The following PXDNL variants were observed in gnomAD, a reference collection of about 807,000 sequenced individuals.
The protein encoded by PXDNL is peroxidasin like.
PXDNL carries 145 observed loss-of-function variants against 150.8 expected under a neutral mutation model. That is an observed-to-expected ratio of 0.96 (90% CI 0.84 to 1.10). The LOEUF (loss-of-function observed/expected upper bound fraction) is 1.10, where lower values mean the gene tolerates loss of function less well. PXDNL is among the 50% of genes least tolerant of loss of function. PXDNL has a pLI of 0.00. For synonymous variants in PXDNL, 757 were observed against 725.7 expected (o/e 1.04, Z -0.69); for missense variants, 2,087 against 1,873.9 (o/e 1.11, Z -2.10).
At chr8:51,501,777 G>C (rs1305603008) in intron 4 of PXDNL, among the ~76,000 whole-genome samples, 2 of 152,232 alleles carry the variant, frequency 1.3e-5, no homozygotes, top group Non-Finnish European at 2.9e-5. Flanking sequence ...CATTGGTCTA[G>C]CACATTAAAA....
At chr8:51,690,979 T>C (rs1585677004) in intron 1 of PXDNL, among the ~76,000 whole-genome samples, 1 of 151,994 alleles carries the variant, frequency 6.6e-6, no homozygotes, top group African/African-American at 2.4e-5. Flanking sequence ...TTTTGAGAAG[T>C]GTCTGTTCAT....
At chr8:51,772,119 C>A (rs1208111973) in intron 1 of PXDNL, among the ~76,000 whole-genome samples, 1 of 152,072 alleles carries the variant, frequency 6.6e-6, no homozygotes, top group Non-Finnish European at 1.5e-5. Context: ...ACCCCGCACA[C>A]CATGTCTCAC....
In PXDNL at chr8:51,501,114, T is replaced by C. The variant is rs572796328; in HGVS notation, c.381-1344A>G. On this transcript the variant is annotated intron_variant, in intron 4 of 22. Coordinates refer to ENST00000356297, the MANE Select transcript of PXDNL (RefSeq NM_144651.5). ...TGCCACACTGTACTACTCTCTGAAA[T>C]TCAGCATCCTGGCCCGTATCCCATG... is the stretch of plus-strand genomic sequence containing the variant. Among the ~76,000 whole-genome samples the C allele has an allele frequency of 8.5e-5, 13 of 152,296 alleles. No individual in the cohort carries two copies. The South Asian group carries it at 2.7e-3, about 32-fold the overall frequency.
intron 5 of PXDNL, among the ~76,000 whole-genome samples, chr8:51,496,738 A>T (rs1490373309): frequency 6.6e-6 from 1 of 152,166 alleles, no homozygotes; most frequent in Non-Finnish European, 1.5e-5. Context: ...AAGGGACGTG[A>T]AGGACCCCCA....
chr8:51,457,617 C>A lies in PXDNL; in HGVS notation c.863G>T (p.Gly288Val), dbSNP rs1809965303. 6.2e-7 allele frequency: 1 copy of A among 1,613,560 alleles called. No homozygotes were observed. Among genetic ancestry groups the A allele is most frequent in the African/African-American group, 1.3e-5 (1 of 74,982 alleles). ...TCTGGTGTTTCGGATCATGAGTGTGCCATCATCAAACACATTAAGTCGAGT... is the reference window on the plus strand; with the variant it reads ...TCTGGTGTTTCGGATCATGAGTGTGACATCATCAAACACATTAAGTCGAGT... ...DDTRLNVFDD[G>V]TLMIRNTRES... Residue 288 changes from glycine to valine, a missense_variant, in exon 9 of 23, where the codon GGC (glycine) becomes GTC (valine). Physicochemically the swap from Gly to Val is moderately radical, Grantham distance 109 (BLOSUM62 -3). Coordinates refer to ENST00000356297, the MANE Select transcript of PXDNL (RefSeq NM_144651.5).
chr8:51,786,875 T>C (rs1035661451), intron 1 of PXDNL, among the ~76,000 whole-genome samples: 3 of 152,200 alleles, frequency 2.0e-5, no homozygotes, highest in Non-Finnish European at 4.4e-5. Flanking sequence ...TTCAAAACTT[T>C]GAAGGACAGG....
intron 19 of PXDNL, among the ~76,000 whole-genome samples, chr8:51,363,759 C>T (rs1174968068): frequency 6.6e-6 from 1 of 152,066 alleles, no homozygotes; most frequent in Non-Finnish European, 1.5e-5. Flanking sequence ...GAGGGGTGGT[C>T]TCCTCCCTTA....
chr8:51,324,833 G>A (rs1348210199), intron 21 of PXDNL, among the ~76,000 whole-genome samples: 2 of 151,944 alleles, frequency 1.3e-5, no homozygotes, highest in East Asian at 3.9e-4. Context: ...TTTTTCATTT[G>A]TTTCCAGTGT....
chr8:51,631,905 A>C lies in PXDNL; in HGVS notation c.236+22784T>G, dbSNP rs551694137. Among the ~76,000 whole-genome samples the C allele has an allele frequency of 3.9e-5, 6 of 152,280 alleles. No individual in the cohort carries two copies. In the East Asian group the frequency reaches 1.2e-3, roughly 29 times the overall value. On this transcript the variant is annotated intron_variant, in intron 2 of 22. Coordinates refer to ENST00000356297, the MANE Select transcript of PXDNL (RefSeq NM_144651.5). ...AATAGTAAAATAAAAAATTAATTAA[A>C]TGCAAAAGAAGGTAGTAATGGAGGA...
chr8:51,371,417 T>G (rs10096359), intron 19 of PXDNL, among the ~76,000 whole-genome samples: 1 of 152,236 alleles, frequency 6.6e-6, no homozygotes, highest in African/African-American at 2.4e-5. Context: ...TTAGGGAAAG[T>G]TTTTCCTGAC....
chr8:51,576,522 G>T (rs1010824545), intron 3 of PXDNL, among the ~76,000 whole-genome samples: 32 of 151,766 alleles, frequency 2.1e-4, no homozygotes, highest in Admixed American at 6.6e-5. Context: ...AGATAAGGTA[G>T]TATAGAAAGG....
intron 2 of PXDNL, among the ~76,000 whole-genome samples, chr8:51,597,098 G>C (rs1813587150): frequency 6.6e-6 from 1 of 152,082 alleles, no homozygotes. Context: ...GAAAGGTAGG[G>C]GTCAAGTTTC....
chr8:51,683,426 T>A (rs1429246946), intron 1 of PXDNL, among the ~76,000 whole-genome samples: 1 of 151,744 alleles, frequency 6.6e-6, no homozygotes, highest in Non-Finnish European at 1.5e-5. Context: ...TTTTTGCTTC[T>A]TTTTGCTACT....
intron 1 of PXDNL, among the ~76,000 whole-genome samples, chr8:51,726,283 G>C (rs897849423): frequency 6.6e-6 from 1 of 152,140 alleles, no homozygotes; most frequent in Non-Finnish European, 1.5e-5. Flanking sequence ...AGCACCCATG[G>C]GCCCAAAGTC....
intron 14 of PXDNL, among the ~76,000 whole-genome samples, chr8:51,418,216 C>T (rs1022240764): frequency 2.6e-5 from 4 of 151,852 alleles, no homozygotes; most frequent in Non-Finnish European, 5.9e-5. Flanking sequence ...AAATATTTCC[C>T]CACTCATTGT....
intron 2 of PXDNL, among the ~76,000 whole-genome samples, chr8:51,619,649 G>A (rs1239446287): frequency 1.3e-5 from 2 of 152,092 alleles, no homozygotes; most frequent in Non-Finnish European, 2.9e-5. Context: ...AGCCATGTAA[G>A]GCATGCCTTC....
In PXDNL at chr8:51,409,083, G is replaced by T. The variant is rs1554536422; in HGVS notation, c.2541C>A (p.Thr847=). ...TNDPPCFPMN[T]RHADPRGTHA... is the part of the protein sequence containing the mutation. ...GGGTGCCCCGGGGGTCGGCGTGCCGGGTGTTCATGGGGAAACAAGGAGGGT... is the reference window on the plus strand; with the variant it reads ...GGGTGCCCCGGGGGTCGGCGTGCCGTGTGTTCATGGGGAAACAAGGAGGGT... The change falls in exon 17 of 23, where the codon ACC becomes ACA. Residue 847 remains threonine, a synonymous_variant. Transcript: ENST00000356297. The T allele has an allele frequency of 6.2e-7, 1 of 1,609,508 alleles. No homozygotes were observed. Among genetic ancestry groups the T allele is most frequent in the Non-Finnish European group, 8.5e-7 (1 of 1,179,468 alleles).
chr8:51,430,681 G>A (rs964930512), intron 12 of PXDNL, among the ~76,000 whole-genome samples: 2 of 152,048 alleles, frequency 1.3e-5, no homozygotes, highest in African/African-American at 4.8e-5. Context: ...TAAAGTCTCT[G>A]CTTCAAATTC....
chr8:51,784,066 T>C (rs983666037), intron 1 of PXDNL, among the ~76,000 whole-genome samples: 5 of 152,196 alleles, frequency 3.3e-5, no homozygotes, highest in Non-Finnish European at 5.9e-5. Context: ...AGAATAGATA[T>C]GGCATAACAC....
Sources: gnomAD v4.1 joint callset for allele counts (sites outside exome capture counted in the v4.1 genomes callset) on GRCh38, gnomAD v4.1.1 for gene constraint, MANE v1.5 for transcripts, NCBI Gene and HGNC (gene_info 2026-07-23, HGNC 2026-07-21) for gene names.